Variants in AKTIP observed in about 807,000 individuals in gnomAD.
The protein encoded by AKTIP is AKT-interacting protein.
Under a neutral mutation model 39.1 loss-of-function variants are expected in AKTIP, and 16 were observed. The observed-to-expected ratio is 0.41, with a 90% confidence interval of 0.28 to 0.62. The LOEUF (loss-of-function observed/expected upper bound fraction) is 0.62. Ranked by LOEUF, AKTIP falls within the 20% of genes least tolerant of loss-of-function variation. The pLI is 0.32. For synonymous variants in AKTIP, 93 were observed against 124.3 expected (o/e 0.75, Z 1.67); for missense variants, 262 against 356.6 (o/e 0.73, Z 2.14).
rs3095636 is a variant in AKTIP, at chr16:53,494,736, A to G, written c.415-131T>C. 3,636 of 891,566 alleles carry G rather than the reference A, an allele frequency of 4.1e-3. 75 individuals carry two copies. In the African/African-American group the frequency reaches 0.046, roughly 11 times the overall value. 55.2% of individuals were successfully genotyped at this position (891,566 alleles called of 1,614,324 possible). A position where few individuals can be genotyped will look rare whatever the true frequency, so the allele number is the denominator to read the frequency against. On this transcript the variant is annotated intron_variant, in intron 5 of 9. Coordinates refer to ENST00000394657, the MANE Select transcript of AKTIP (RefSeq NM_022476.4). ...TTTAAAGCTAAAGAGCTGCCTCAAG[A>G]GGGCTACTTAACTACTTTTACCATT... is the stretch of plus-strand genomic sequence containing the variant.
chr16:53,498,553 G>T lies in AKTIP; in HGVS notation c.86C>A (p.Thr29Asn). The change falls in exon 3 of 10, where the codon ACC becomes AAC. Residue 29 changes from threonine (T) to asparagine (N), a missense_variant. Thr to Asn is a moderately conservative substitution (Grantham distance 65, BLOSUM62 0). Around this residue, in one of 4 missense-constraint regions of AKTIP, gnomAD observed 88 missense variants for 132.1 expected, o/e 0.67. Transcript: ENST00000394657. ...CTTTGGTGCAGTTCGTGGAGGACTG[G>T]TTTTCACGTCCCCTGTTAATGTCTT... ...EEKTLTGDVK[T>N]SPPRTAPKKQ... is the part of the protein sequence containing the mutation. 1 of 1,614,136 alleles carries T rather than the reference G, an allele frequency of 6.2e-7. No individual in the cohort carries two copies. Among genetic ancestry groups the T allele is most frequent in the Non-Finnish European group, 8.5e-7 (1 of 1,179,992 alleles).
In AKTIP at chr16:53,491,234, T is replaced by TATC. The variant is rs1961429078; in HGVS notation, c.*1175_*1177dup. On this transcript the variant is annotated 3_prime_UTR_variant, in exon 10 of 10. Transcript: ENST00000394657. ...ATGACCTCTTCCTTTAGGAGGGAGT[T>TATC]ATCTAAAAGAAATGTCTATTAAGGT... is the stretch of plus-strand genomic sequence containing the variant. 6.6e-6 allele frequency: 1 copy of TATC among 152,184 alleles called. No homozygotes were observed. The highest frequency in any genetic ancestry group is 2.4e-5 in the African/African-American group (1 of 41,442). 9.4% of individuals were successfully genotyped at this position (152,184 alleles called of 1,614,324 possible).
Position 53,498,655 on chromosome 16 carries a change from C to A in AKTIP, c.43-59G>T, listed in dbSNP as rs1961987156. On this transcript the variant is annotated intron_variant, in intron 2 of 9. Coordinates refer to ENST00000394657, the MANE Select transcript of AKTIP (RefSeq NM_022476.4). Reference sequence around the variant, plus strand: ...GGATGATTCTTAAATCACAAGAGTACATTATTAGCTCCATGGCCTAAATGC... The same window carrying A: ...GGATGATTCTTAAATCACAAGAGTAAATTATTAGCTCCATGGCCTAAATGC... The A allele has an allele frequency of 1.4e-5, 21 of 1,515,366 alleles. No individual in the cohort carries two copies. In the South Asian group the frequency reaches 2.0e-4, roughly 15 times the overall value. 93.9% of individuals were successfully genotyped at this position (1,515,366 alleles called of 1,614,324 possible).
At chr16:53,493,882 A>G (rs773524984) in intron 8 of AKTIP, 77 of 472,628 alleles carry the variant, frequency 1.6e-4, no homozygotes, top group Non-Finnish European at 2.5e-4. Flanking sequence ...ATGAATAAAT[A>G]TATCACAAGG....
intron 2 of AKTIP, among the ~76,000 whole-genome samples, chr16:53,498,915 G>T (rs1042224638): frequency 6.6e-6 from 1 of 152,296 alleles, no homozygotes; most frequent in African/African-American, 2.4e-5. Context: ...GAGGGCAAGG[G>T]GTTACTAAGC....
At chr16:53,495,527 T>A (rs1257868007) in intron 3 of AKTIP, among the ~76,000 whole-genome samples, 1 of 152,168 alleles carries the variant, frequency 6.6e-6, no homozygotes, top group African/African-American at 2.4e-5. Context: ...ACTACTGGCC[T>A]CATAGCAGCA....
chr16:53,501,931 C>T (rs1028555455), intron 1 of AKTIP, among the ~76,000 whole-genome samples: 1 of 152,184 alleles, frequency 6.6e-6, no homozygotes, highest in Non-Finnish European at 1.5e-5. Flanking sequence ...GGCATGTTCC[C>T]CTTTGGCTCA....
intron 3 of AKTIP, among the ~76,000 whole-genome samples, chr16:53,495,873 C>G (rs1277892908): frequency 6.6e-6 from 1 of 152,234 alleles, no homozygotes; most frequent in African/African-American, 2.4e-5. Context: ...AGGCAATGTT[C>G]AGACTCGCAG....
At chr16:53,503,681 T>G (rs1399762534), upstream of AKTIP, among the ~76,000 whole-genome samples, 1 of 152,108 alleles carries the variant, frequency 6.6e-6, no homozygotes, top group Non-Finnish European at 1.5e-5. Flanking sequence ...GCCAAGCTTT[T>G]GGGGAGGGCC....
In AKTIP at chr16:53,500,260, A is replaced by G. The variant is rs1962086085; in HGVS notation, c.-1T>C. The G allele has an allele frequency of 1.2e-6, 2 of 1,612,842 alleles. No individual in the cohort carries two copies. Among genetic ancestry groups the G allele is most frequent in the South Asian group, 2.2e-5 (2 of 90,748 alleles). On this transcript the variant is annotated 5_prime_UTR_variant, in exon 2 of 10. Coordinates refer to ENST00000394657, the MANE Select transcript of AKTIP (RefSeq NM_022476.4). ...TAGACATGCTCCAGAAAGGGTTCAT[A>G]ACGTGTATTCCAAACAAAGAAAGTC...
intron 1 of AKTIP, among the ~76,000 whole-genome samples, chr16:53,500,638 A>G (rs539783159): frequency 2.0e-5 from 3 of 152,276 alleles, no homozygotes; most frequent in Admixed American, 6.5e-5. Context: ...TCAGCCTCCC[A>G]AAGTGCTGGG....
intron 3 of AKTIP, among the ~76,000 whole-genome samples, chr16:53,497,770 G>GA (rs1382258095): frequency 6.6e-6 from 1 of 152,256 alleles, no homozygotes; most frequent in Non-Finnish European, 1.5e-5. Context: ...GGTTCTTTGA[G>GA]ACGGGGTTTC....
At chr16:53,494,882 G>T in intron 5 of AKTIP, 191 bp downstream of exon 5, 2 of 739,890 alleles carry the variant, frequency 2.7e-6, no homozygotes, top group Non-Finnish European at 4.8e-6. Context: ...CTCCCTTGCA[G>T]ACCCTGAGCA....
Position 53,498,580 on chromosome 16 carries a change from T to C in AKTIP, c.59A>G (p.Glu20Gly), listed in dbSNP as rs2150865061. 6.2e-7 allele frequency: 1 copy of C among 1,614,136 alleles called. No individual in the cohort carries two copies. The highest frequency in any genetic ancestry group is 1.6e-4 in the Middle Eastern group (1 of 6,062). ...SSVRKRSEGE[E>G]KTLTGDVKTS... ...TTTCACGTCCCCTGTTAATGTCTTC[T>C]CTTCACCTTCAGATCGCTATACAAG... Residue 20 changes from glutamate (E) to glycine (G), a missense_variant, in exon 3 of 10, where the codon GAG (glutamate) becomes GGG (glycine). Glu to Gly is a moderately conservative substitution (Grantham distance 98). Around this residue, in one of 4 missense-constraint regions of AKTIP, gnomAD observed 88 missense variants for 132.1 expected, o/e 0.67. Transcript: ENST00000394657.
chr16:53,497,137 A>G (rs1961886670), intron 3 of AKTIP, among the ~76,000 whole-genome samples: 2 of 152,202 alleles, frequency 1.3e-5, no homozygotes, highest in South Asian at 4.1e-4. Flanking sequence ...AGGAATTTTT[A>G]AATGATGGAA....
rs1961528910 is a variant in AKTIP at position 53,492,276 on chromosome 16, A to G, written c.*136T>C. On this transcript the variant is annotated 3_prime_UTR_variant, in exon 10 of 10. Coordinates refer to ENST00000394657, the MANE Select transcript of AKTIP (RefSeq NM_022476.4). ...TTTCCAAACCCTGCTGTTAGAACCT[A>G]TGCATACATGGAAAACACTGGCAGT... 2.8e-6 allele frequency: 2 copies of G among 721,120 alleles called. No individual in the cohort carries two copies. The highest frequency in any genetic ancestry group is 3.5e-5 in the African/African-American group (2 of 56,384). 44.7% of individuals were successfully genotyped at this position (721,120 alleles called of 1,614,324 possible). A position where few individuals can be genotyped will look rare whatever the true frequency, so the allele number is the denominator to read the frequency against.
chr16:53,491,231 A>G lies in AKTIP; in HGVS notation c.*1181T>C, dbSNP rs1961428211. On this transcript the variant is annotated 3_prime_UTR_variant, in exon 10 of 10. Coordinates refer to ENST00000394657, the MANE Select transcript of AKTIP (RefSeq NM_022476.4). The stretch of plus-strand genomic sequence containing the variant: ...CTTATGACCTCTTCCTTTAGGAGGG[A>G]GTTATCTAAAAGAAATGTCTATTAA... The G allele has an allele frequency of 6.6e-6, 1 of 152,192 alleles. No individual in the cohort carries two copies. Among genetic ancestry groups the G allele is most frequent in the Non-Finnish European group, 1.5e-5 (1 of 68,028 alleles). The allele number at this position is 152,192 out of a possible 1,614,324, so 9.4% of individuals were successfully genotyped here. A position where few individuals can be genotyped will look rare whatever the true frequency, so the allele number is the denominator to read the frequency against.
upstream of AKTIP, chr16:53,503,263 T>TGCCCCACCCC (rs1491219452): frequency 1.4e-3 from 35 of 24,982 alleles, no homozygotes; most frequent in African/African-American, 1.8e-3. Context: ...CACCCCGCCC[T>TGCCCCACCCC]GCCCTGCCCT....
chr16:53,494,626 A>C (rs1261368426), intron 5 of AKTIP, 21 bp from the exon 6 acceptor site: 1 of 1,609,472 alleles, frequency 6.2e-7, no homozygotes, highest in Non-Finnish European at 8.5e-7. Context: ...ATAAAGAGAG[A>C]CATGTCCTTT....
Sources: gnomAD v4.1 joint callset for allele counts (sites outside exome capture counted in the v4.1 genomes callset) on GRCh38, gnomAD v4.1.1 for gene constraint, gnomAD v4.1.1 regional missense constraint, MANE v1.5 for transcripts, NCBI Gene and HGNC (gene_info 2026-07-23, HGNC 2026-07-21) for gene names.